KCNK13: variants seen among roughly 807,000 people sequenced by gnomAD.
KCNK13 encodes potassium channel subfamily K member 13.
Under a neutral mutation model 23.4 loss-of-function variants are expected in KCNK13, and 12 were observed. That is an observed-to-expected ratio of 0.51 (90% CI 0.33 to 0.83). The LOEUF (loss-of-function observed/expected upper bound fraction) is 0.83. Among genes scored for constraint, KCNK13 ranks in the 40% least tolerant of loss-of-function variants. KCNK13 has a pLI of 0.02. For synonymous variants in KCNK13, 231 were observed against 229.5 expected, an observed-to-expected ratio of 1.01 and a Z score of -0.06; for missense variants, 463 against 556.3, an observed-to-expected ratio of 0.83 and a Z score of 1.69.
intron 1 of KCNK13, among the ~76,000 whole-genome samples, chr14:90,097,986 G>GTC (rs145863746): frequency 2.1e-4 from 32 of 150,114 alleles, no homozygotes; most frequent in East Asian, 5.8e-4. Flanking sequence ...AAGGATCCAG[G>GTC]TCTCTCTCTC....
At chr14:90,179,488 A>G (rs749691220) in intron 1 of KCNK13, among the ~76,000 whole-genome samples, 2 of 152,182 alleles carry the variant, frequency 1.3e-5, no homozygotes, top group Non-Finnish European at 2.9e-5. Context: ...TCCTAGCCCC[A>G]AGGACAGCAG....
At position 90,085,795 on chromosome 14, in the gene KCNK13, T is replaced by TATATAAATTATA. The variant is rs1566948863; in HGVS notation, c.334+23256_334+23257insATATAAATTATA. Among the ~76,000 whole-genome samples the TATATAAATTATA allele has an allele frequency of 1.6e-3, 191 of 121,064 alleles. 1 individual carries two copies. The highest frequency in any genetic ancestry group is 5.3e-3 in the African/African-American group (154 of 29,128). 79.4% of individuals were successfully genotyped at this position (121,064 alleles called of 152,430 possible). A position where few individuals can be genotyped will look rare whatever the true frequency, so the allele number is the denominator to read the frequency against. On this transcript the variant is annotated intron_variant, in intron 1 of 1. Coordinates refer to ENST00000282146, the MANE Select transcript of KCNK13 (RefSeq NM_022054.4). ...TTATATATATTATATATTATATACT[T>TATATAAATTATA]TATATTATATATTATATTATATATT...
chr14:90,107,852 T>C (rs573656873), intron 1 of KCNK13: 200 of 837,222 alleles, frequency 2.4e-4, no homozygotes, highest in East Asian at 6.9e-4. Flanking sequence ...GATTCAAGAT[T>C]ATTTGGAACA....
At chr14:90,124,311 G>A (rs1166892273) in intron 1 of KCNK13, among the ~76,000 whole-genome samples, 1 of 152,200 alleles carries the variant, frequency 6.6e-6, no homozygotes, top group African/African-American at 2.4e-5. Flanking sequence ...CCTGCCCCAA[G>A]ACAGGTTCCA....
rs916165472 is a variant in KCNK13 at position 90,183,517 on chromosome 14, C to T, written c.335-594C>T. 8.5e-5 allele frequency among the ~76,000 whole-genome samples: 13 copies of T among 152,150 alleles called. 1 individual carries two copies. Among genetic ancestry groups the T allele is most frequent in the African/African-American group, 3.1e-4 (13 of 41,432 alleles). On this transcript the variant is annotated intron_variant, in intron 1 of 1. Coordinates refer to ENST00000282146, the MANE Select transcript of KCNK13 (RefSeq NM_022054.4). Reference sequence around the variant, plus strand: ...AGCCCCACTTCTTAGATGGGTTCCCCTCTTAGGAGTTCCCATAGAATCCTG... The same window carrying T: ...AGCCCCACTTCTTAGATGGGTTCCCTTCTTAGGAGTTCCCATAGAATCCTG...
chr14:90,159,946 GGTGTGTGTGTGTGT>G (rs3060015), intron 1 of KCNK13, among the ~76,000 whole-genome samples: 1 of 148,244 alleles, frequency 6.7e-6, no homozygotes. Context: ...TGTGTGTAGG[GGTGTGTGTGTGTGT>G]GTGTGTGTGT....
chr14:90,068,877 G>A (rs946739323), intron 1 of KCNK13, among the ~76,000 whole-genome samples: 9 of 152,076 alleles, frequency 5.9e-5, no homozygotes, highest in East Asian at 5.8e-4. Context: ...AGTCAAGTGC[G>A]CTGAGGGCAG....
In KCNK13 at chr14:90,156,002, G is replaced by A. The variant is rs537439984; in HGVS notation, c.335-28109G>A. Among the ~76,000 whole-genome samples the A allele has an allele frequency of 5.9e-5, 9 of 152,126 alleles. No homozygotes were observed. In the East Asian group the frequency reaches 9.7e-4, roughly 16 times the overall value. On this transcript the variant is annotated intron_variant, in intron 1 of 1. Transcript: ENST00000282146. ...GCAGATCACTTGAGGTCAGGAGTTCGAGACGAGCCTGGGCAACATGGCTAA... is the reference window on the plus strand; with the variant it reads ...GCAGATCACTTGAGGTCAGGAGTTCAAGACGAGCCTGGGCAACATGGCTAA...
intron 1 of KCNK13, among the ~76,000 whole-genome samples, chr14:90,072,250 C>T (rs1230050897): frequency 6.6e-6 from 1 of 152,102 alleles, no homozygotes; most frequent in Non-Finnish European, 1.5e-5. Context: ...TATATTTTTC[C>T]CATTCTCTAA....
At chr14:90,149,908 T>C (rs973192777) in intron 1 of KCNK13, among the ~76,000 whole-genome samples, 2 of 152,042 alleles carry the variant, frequency 1.3e-5, no homozygotes, top group African/African-American at 4.8e-5. Context: ...GTCCAGGCAT[T>C]GTGCTAGGCA....
chr14:90,104,616 A>G (rs1026582019), intron 1 of KCNK13, among the ~76,000 whole-genome samples: 2 of 151,650 alleles, frequency 1.3e-5, no homozygotes, highest in African/African-American at 4.8e-5. Flanking sequence ...CACAAAGGTG[A>G]TGTGCATTCT....
rs191368282 is a variant in KCNK13, at chr14:90,170,413, T to C, written c.335-13698T>C. On this transcript the variant is annotated intron_variant, in intron 1 of 1. Coordinates refer to ENST00000282146, the MANE Select transcript of KCNK13 (RefSeq NM_022054.4). ...ATTTTTAGTAAAGACACGGTTTCTC[T>C]GTGTTGGCCAGGCTGGTCTCCAACT... is the stretch of plus-strand genomic sequence containing the variant. Among the ~76,000 whole-genome samples the C allele has an allele frequency of 6.3e-3, 963 of 152,230 alleles. 7 individuals carry two copies. The highest frequency in any genetic ancestry group is 0.022 in the African/African-American group (929 of 41,530).
intron 1 of KCNK13, among the ~76,000 whole-genome samples, chr14:90,104,057 G>A (rs1946082373): frequency 6.6e-6 from 1 of 152,224 alleles, no homozygotes; most frequent in Non-Finnish European, 1.5e-5. Context: ...TCACATTCCT[G>A]TTGGGCAGGA....
chr14:90,150,716 A>C (rs1282653900), intron 1 of KCNK13, among the ~76,000 whole-genome samples: 2 of 152,184 alleles, frequency 1.3e-5, no homozygotes, highest in African/African-American at 4.8e-5. Flanking sequence ...CGCAAGTCAA[A>C]TTATAATCCC....
At chr14:90,096,658 A>G (rs1011042837) in intron 1 of KCNK13, among the ~76,000 whole-genome samples, 1 of 152,240 alleles carries the variant, frequency 6.6e-6, no homozygotes, top group Non-Finnish European at 1.5e-5. Flanking sequence ...GTAAGGATAC[A>G]TACAGGGGTA....
At chr14:90,112,764 A>G (rs1889630883) in intron 1 of KCNK13, among the ~76,000 whole-genome samples, 2 of 152,292 alleles carry the variant, frequency 1.3e-5, no homozygotes, top group African/African-American at 4.8e-5. Context: ...AATTTGACTC[A>G]GGAAAATTGA....
intron 1 of KCNK13, among the ~76,000 whole-genome samples, chr14:90,104,009 T>A (rs1889513593): frequency 6.6e-6 from 1 of 152,168 alleles, no homozygotes; most frequent in Non-Finnish European, 1.5e-5. Flanking sequence ...ATGTATAAGA[T>A]CAGTCTCTAG....
rs536040468 is a variant in KCNK13 at position 90,120,866 on chromosome 14, C to T, written c.334+58327C>T. The stretch of plus-strand genomic sequence containing the variant: ...AAAAGTCCAAGTCCAAAGTTTCATC[C>T]GAGACAAGGCAAGTCCCTTCCGCCT... On this transcript the variant is annotated intron_variant, in intron 1 of 1. Transcript: ENST00000282146. Among the ~76,000 whole-genome samples, 20 of 152,206 alleles carry T rather than the reference C, an allele frequency of 1.3e-4. 1 individual carries two copies. The highest frequency in any genetic ancestry group is 5.8e-4 in the East Asian group (3 of 5,170).
At position 90,062,496 on chromosome 14, in the gene KCNK13, C is replaced by T; in HGVS notation, c.291C>T (p.Phe97=). 6.5e-7 allele frequency: 1 copy of T among 1,537,602 alleles called. No homozygotes were observed. The highest frequency in any genetic ancestry group is 2.2e-4 in the Middle Eastern group (1 of 4,498). ...RVDNVRPRWD[F]TGAFYFVGTV... ...ACAACGTCCGCCCGCGCTGGGACTT[C>T]ACCGGCGCCTTCTACTTCGTGGGCA... The change falls in exon 1 of 2, where the codon TTC becomes TTT. Residue 97 remains phenylalanine (F), a synonymous_variant. Coordinates refer to ENST00000282146, the MANE Select transcript of KCNK13 (RefSeq NM_022054.4). This position sits in a 1 kb window ranked among gnomAD's most constrained non-coding sequence, Gnocchi z 4.5.
Sources: allele counts gnomAD v4.1 joint callset (sites outside exome capture counted in the v4.1 genomes callset), GRCh38; gene constraint gnomAD v4.1.1; non-coding constraint Gnocchi (gnomAD v3.1); transcripts MANE v1.5; gene names NCBI Gene and HGNC (gene_info 2026-07-23, HGNC 2026-07-21).